Variants in CDH4 observed in about 807,000 individuals in gnomAD.
CDH4 encodes the protein cadherin-4.
CDH4 carries 33 observed loss-of-function variants against 86.0 expected under a neutral mutation model. The observed-to-expected ratio is 0.38, with a 90% CI of 0.29 to 0.51. The LOEUF is 0.51. Ranked by LOEUF, CDH4 falls within the 20% of genes least tolerant of loss-of-function variation. The pLI, the probability that CDH4 is intolerant of heterozygous loss-of-function variation, is 0.86. For missense variants in CDH4, 1,114 were observed against 1,307.4 expected, an observed-to-expected ratio of 0.85 and a Z score of 2.28; for synonymous variants, 555 against 549.4, an observed-to-expected ratio of 1.01 and a Z score of -0.14.
At position 61,437,809 on chromosome 20, in the gene CDH4, G is replaced by A. The variant is rs376897433; in HGVS notation, c.169+182872G>A. On this transcript the variant is annotated intron_variant, in intron 2 of 15. Transcript: ENST00000614565. ...TTTTGTTGACACACTCCACACGACG[G>A]TTAGGAAAATTCCATGGGGCCTCCA... Among the ~76,000 whole-genome samples, 10 of 152,304 alleles carry A rather than the reference G, an allele frequency of 6.6e-5. No individual in the cohort carries two copies. The South Asian group carries it at 8.3e-4, about 13-fold the overall frequency.
intron 2 of CDH4, among the ~76,000 whole-genome samples, chr20:61,547,355 G>A (rs2086095970): frequency 6.6e-6 from 1 of 151,830 alleles, no homozygotes; most frequent in Admixed American, 6.6e-5. Context: ...TGGGACTACA[G>A]GCACCTGCCA....
At chr20:61,900,152 C>T (rs1985322077) in intron 8 of CDH4, among the ~76,000 whole-genome samples, 1 of 152,370 alleles carries the variant, frequency 6.6e-6, no homozygotes, top group Admixed American at 6.5e-5. Flanking sequence ...CTCTCGCCCA[C>T]AGATCCCCAG....
chr20:61,348,382 T>A (rs1047157095), intron 2 of CDH4, among the ~76,000 whole-genome samples: 1 of 151,804 alleles, frequency 6.6e-6, no homozygotes, highest in Non-Finnish European at 1.5e-5. Context: ...TCCCACGGGG[T>A]CCCTCCCATG....
At chr20:61,687,116 TCAGACTTC>T (rs2087591188) in intron 2 of CDH4, among the ~76,000 whole-genome samples, 1 of 152,198 alleles carries the variant, frequency 6.6e-6, no homozygotes, top group Non-Finnish European at 1.5e-5. Flanking sequence ...GGCCAGTCCC[TCAGACTTC>T]ACTGGCAACA....
intron 2 of CDH4, among the ~76,000 whole-genome samples, chr20:61,645,629 CAAAAA>C (rs11373021): frequency 7.0e-6 from 1 of 142,144 alleles, no homozygotes. Context: ...GACCCTGTCT[CAAAAA>C]AAAAAAAAAA....
intron 4 of CDH4, among the ~76,000 whole-genome samples, chr20:61,833,295 G>A (rs574658738): frequency 4.1e-4 from 63 of 152,198 alleles, no homozygotes; most frequent in Non-Finnish European, 7.9e-4. Flanking sequence ...TATTCTTGTG[G>A]TCTGGGACCT....
intron 2 of CDH4, among the ~76,000 whole-genome samples, chr20:61,573,056 GGATGGATGGATGGATA>G (rs1179406234): frequency 6.7e-6 from 1 of 150,032 alleles, no homozygotes; most frequent in African/African-American, 2.5e-5. Context: ...ATGGATGGAT[GGATGGATGGATGGATA>G]GATGGTTGGA....
chr20:61,697,771 G>A (rs184442606), intron 2 of CDH4, among the ~76,000 whole-genome samples: 14 of 152,236 alleles, frequency 9.2e-5, no homozygotes, highest in Admixed American at 4.6e-4. Context: ...GTCCATCTCC[G>A]GATCCCCCAG....
At chr20:61,679,001 T>C (rs1259737132) in intron 2 of CDH4, among the ~76,000 whole-genome samples, 1 of 152,200 alleles carries the variant, frequency 6.6e-6, no homozygotes, top group Non-Finnish European at 1.5e-5. Context: ...GGTTTTCTTT[T>C]TGCCCTGTGG....
chr20:61,682,629 G>T (rs114187158), intron 2 of CDH4, among the ~76,000 whole-genome samples: 1 of 151,952 alleles, frequency 6.6e-6, no homozygotes, highest in Non-Finnish European at 1.5e-5. Flanking sequence ...GGAGAGGAGA[G>T]AACAGGGCAT....
At chr20:61,606,356 G>C (rs1321992429) in intron 2 of CDH4, among the ~76,000 whole-genome samples, 1 of 152,174 alleles carries the variant, frequency 6.6e-6, no homozygotes, top group Admixed American at 6.5e-5. Flanking sequence ...ACAGACGAGG[G>C]CACTGAGGCA....
chr20:61,689,168 G>A (rs898475889), intron 2 of CDH4, among the ~76,000 whole-genome samples: 26 of 152,312 alleles, frequency 1.7e-4, no homozygotes, highest in African/African-American at 5.5e-4. Context: ...GACATTGTTT[G>A]GTGAGGTGAT....
At chr20:61,387,374 CCACA>C in intron 2 of CDH4, among the ~76,000 whole-genome samples, 1 of 147,320 alleles carries the variant, frequency 6.8e-6, no homozygotes, top group Non-Finnish European at 1.5e-5. Flanking sequence ...AAACACACAG[CCACA>C]CAAACATACA....
Position 61,722,260 on chromosome 20 carries a change from C to T in CDH4, c.170-21303C>T, listed in dbSNP as rs550940240. On this transcript the variant is annotated intron_variant, in intron 2 of 15. Transcript: ENST00000614565. ...AGAAGCCATGGTTGGAAAGTCAGGA[C>T]TATCTCTCAATGCTGTGGAAGGGCT... Among the ~76,000 whole-genome samples the T allele has an allele frequency of 2.7e-4, 41 of 152,242 alleles. 2 individuals carry two copies. The South Asian group carries it at 7.3e-3, about 27-fold the overall frequency.
intron 2 of CDH4, among the ~76,000 whole-genome samples, chr20:61,478,597 T>A (rs2085552253): frequency 1.3e-5 from 2 of 152,080 alleles, no homozygotes; most frequent in South Asian, 4.2e-4. Context: ...TATGAGTGCC[T>A]GATGTGTGTT....
intron 2 of CDH4, among the ~76,000 whole-genome samples, chr20:61,556,353 G>GA (rs2086177447): frequency 6.6e-6 from 1 of 152,236 alleles, no homozygotes; most frequent in East Asian, 1.9e-4. Flanking sequence ...AAATCATGGA[G>GA]AGAGAGGCTC....
chr20:61,781,262 G>A (rs1261772267), intron 4 of CDH4, among the ~76,000 whole-genome samples: 1 of 122,440 alleles, frequency 8.2e-6, no homozygotes, highest in Non-Finnish European at 1.8e-5. Context: ...GAGAGAAAAT[G>A]TGATCCACAA....
intron 2 of CDH4, among the ~76,000 whole-genome samples, chr20:61,698,014 C>T (rs900026669): frequency 1.9e-4 from 29 of 152,372 alleles, no homozygotes; most frequent in Middle Eastern, 3.4e-3. Context: ...CATTCCTTGG[C>T]TGTTTTGCTC....
intron 2 of CDH4, among the ~76,000 whole-genome samples, chr20:61,694,905 C>G (rs1193804264): frequency 6.6e-6 from 1 of 152,220 alleles, no homozygotes; most frequent in Non-Finnish European, 1.5e-5. Context: ...CTTCAGATCC[C>G]GTGCGCCGCC....
Sources: gnomAD v4.1 joint callset for allele counts (sites outside exome capture counted in the v4.1 genomes callset) on GRCh38, gnomAD v4.1.1 for gene constraint, MANE v1.5 for transcripts, NCBI Gene and HGNC (gene_info 2026-07-23, HGNC 2026-07-21) for gene names.